KPNA6: variants seen among roughly 807,000 people sequenced by gnomAD.
KPNA6 encodes importin subunit alpha-7.
Under a neutral mutation model 72.0 loss-of-function variants are expected in KPNA6, and 9 were observed. The ratio of observed to expected loss-of-function variants is 0.13; its 90% CI spans 0.08 to 0.22. KPNA6 has a LOEUF of 0.22. Among genes scored for constraint, KPNA6 ranks in the 10% least tolerant of loss-of-function variants. The pLI is 1.00. For synonymous variants in KPNA6, 219 were observed against 242.1 expected, an observed-to-expected ratio of 0.90 and a Z score of 0.89; for missense variants, 374 against 655.7, an observed-to-expected ratio of 0.57 and a Z score of 4.69.
At chr1:32,114,203 G>T (rs956801380) in intron 1 of KPNA6, among the ~76,000 whole-genome samples, 1 of 152,038 alleles carries the variant, frequency 6.6e-6, no homozygotes, top group African/African-American at 2.4e-5. Context: ...AATTTGGGAG[G>T]CCGAGGCGGG....
chr1:32,152,327 C>A (rs1351609450), intron 1 of KPNA6, among the ~76,000 whole-genome samples: 2 of 151,316 alleles, frequency 1.3e-5, no homozygotes, highest in Non-Finnish European at 3.0e-5. Flanking sequence ...GGCCCTATCT[C>A]AAAAAATAAT....
chr1:32,160,471 G>A lies in KPNA6; in HGVS notation c.559-144G>A, dbSNP rs560598408. 8.7e-5 allele frequency: 56 copies of A among 646,518 alleles called. No individual in the cohort carries two copies. The Admixed American group carries it at 1.0e-3, about 12-fold the overall frequency. 40.0% of individuals were successfully genotyped at this position (646,518 alleles called of 1,614,324 possible). ...CAAGTGCTCAGTAAGAATTTCAATA[G>A]GGAGGTTACCTGAGCTTGTGTAGTA... On this transcript the variant is annotated intron_variant, in intron 6 of 13. Transcript: ENST00000373625.
chr1:32,159,334 C>T, intron 5 of KPNA6, 66 bp from the exon 6 acceptor site: 2 of 1,558,470 alleles, frequency 1.3e-6, no homozygotes, highest in East Asian at 4.5e-5. Flanking sequence ...CTGTTCTGAG[C>T]CAGCTGATAG....
chr1:32,147,480 T>G (rs890440705), intron 1 of KPNA6, among the ~76,000 whole-genome samples: 3 of 152,000 alleles, frequency 2.0e-5, no homozygotes, highest in African/African-American at 7.2e-5. Context: ...AAATTATTTG[T>G]AGAGACAGGG....
intron 1 of KPNA6, among the ~76,000 whole-genome samples, chr1:32,127,241 A>G (rs1287675156): frequency 6.6e-6 from 1 of 152,218 alleles, no homozygotes; most frequent in East Asian, 1.9e-4. Context: ...TGACCTCCAA[A>G]TCAGTGCTCT....
chr1:32,119,019 TATATATATATATA>T (rs1557457135), intron 1 of KPNA6, among the ~76,000 whole-genome samples: 42 of 77,802 alleles, frequency 5.4e-4, no homozygotes, highest in East Asian at 7.2e-4. Context: ...TATATATATA[TATATATATATATA>T]TTTTTTTTTT....
At chr1:32,122,145 G>A (rs1641444293) in intron 1 of KPNA6, among the ~76,000 whole-genome samples, 2 of 151,892 alleles carry the variant, frequency 1.3e-5, no homozygotes, top group Non-Finnish European at 2.9e-5. Context: ...GTGGTGGCAG[G>A]CGCCTGTAAT....
At chr1:32,121,657 G>A (rs1173102193) in intron 1 of KPNA6, among the ~76,000 whole-genome samples, 1 of 152,158 alleles carries the variant, frequency 6.6e-6, no homozygotes, top group East Asian at 1.9e-4. Flanking sequence ...AAGAAAACAA[G>A]GAGTGCTTGG....
At chr1:32,122,009 C>G (rs1239356681) in intron 1 of KPNA6, among the ~76,000 whole-genome samples, 2 of 151,286 alleles carry the variant, frequency 1.3e-5, no homozygotes, top group Non-Finnish European at 2.9e-5. Flanking sequence ...CGCGGTGGCT[C>G]ACGCCTGTAA....
chr1:32,154,458 T>C, intron 1 of KPNA6, 130 bp from the exon 2 acceptor site: 3 of 883,806 alleles, frequency 3.4e-6, no homozygotes, highest in Non-Finnish European at 5.2e-6. Flanking sequence ...TCAGGTGCTA[T>C]TGAGAGCTCC....
At chr1:32,137,791 T>G (rs1233313566) in intron 1 of KPNA6, among the ~76,000 whole-genome samples, 1 of 152,092 alleles carries the variant, frequency 6.6e-6, no homozygotes, top group Non-Finnish European at 1.5e-5. Flanking sequence ...GAGGAGAATG[T>G]TCATGGGTGA....
At chr1:32,135,715 G>A (rs1641723134) in intron 1 of KPNA6, among the ~76,000 whole-genome samples, 1 of 149,678 alleles carries the variant, frequency 6.7e-6, no homozygotes, top group Non-Finnish European at 1.5e-5. Context: ...TGATCTGACT[G>A]CCTCAGCCTC....
intron 1 of KPNA6, among the ~76,000 whole-genome samples, chr1:32,109,647 CT>C (rs34762782): frequency 0.13 from 17,983 of 139,028 alleles, 1,379 homozygotes; most frequent in South Asian, 0.25. Flanking sequence ...ATTATGAAAT[CT>C]TTTTTTTTTT....
At chr1:32,166,555 G>T (rs1449408881) in intron 11 of KPNA6, among the ~76,000 whole-genome samples, 1 of 149,794 alleles carries the variant, frequency 6.7e-6, no homozygotes, top group East Asian at 2.0e-4. Flanking sequence ...AACCCGAGAG[G>T]CAAAGGTTGC....
At chr1:32,124,016 G>A (rs1641484988) in intron 1 of KPNA6, among the ~76,000 whole-genome samples, 1 of 117,348 alleles carries the variant, frequency 8.5e-6, no homozygotes, top group African/African-American at 3.5e-5. Flanking sequence ...CCTGGCGACA[G>A]AGCAAGACTC....
At chr1:32,139,603 G>A (rs1307462183) in intron 1 of KPNA6, among the ~76,000 whole-genome samples, 1 of 152,190 alleles carries the variant, frequency 6.6e-6, no homozygotes, top group Non-Finnish European at 1.5e-5. Context: ...TAGAATGTGA[G>A]GCGTTCTATA....
intron 2 of KPNA6, among the ~76,000 whole-genome samples, 195 bp downstream of exon 2, chr1:32,154,916 T>A (rs1299212593): frequency 1.3e-5 from 2 of 152,018 alleles, no homozygotes; most frequent in African/African-American, 4.8e-5. Context: ...AAGACCAGCC[T>A]GGCCAACATG....
intron 1 of KPNA6, among the ~76,000 whole-genome samples, chr1:32,128,426 T>TACACAC (rs1230804875): frequency 1.2e-4 from 12 of 99,166 alleles, no homozygotes; most frequent in African/African-American, 3.4e-4. Flanking sequence ...TATATATATA[T>TACACAC]ACACACACAC....
intron 1 of KPNA6, among the ~76,000 whole-genome samples, chr1:32,124,507 C>CT (rs562731872): frequency 0.069 from 9,064 of 131,514 alleles, 339 homozygotes; most frequent in East Asian, 0.11. Flanking sequence ...GAGGCCTCAT[C>CT]TTTTTTTTTT....
Sources: allele counts gnomAD v4.1 joint callset (sites outside exome capture counted in the v4.1 genomes callset), GRCh38; gene constraint gnomAD v4.1.1; transcripts MANE v1.5; gene names NCBI Gene and HGNC (gene_info 2026-07-23, HGNC 2026-07-21).